NEB: variants seen among roughly 807,000 people sequenced by gnomAD.
NEB encodes the protein nebulin, also known as nemaline myopathy type 2.
NEB carries 512 observed loss-of-function variants against 952.2 expected under a neutral mutation model. The observed-to-expected ratio is 0.54, with a 90% CI of 0.50 to 0.58. NEB has a LOEUF of 0.58. Among genes scored for constraint, NEB ranks in the 20% least tolerant of loss-of-function variants. The pLI is 0.00. For missense variants in NEB, 8,428 were observed against 9,231.1 expected, an observed-to-expected ratio of 0.91 and a Z score of 3.56; for synonymous variants, 2,900 against 3,149.8, an observed-to-expected ratio of 0.92 and a Z score of 2.66.
intron 39 of NEB, 35 bp downstream of exon 39, chr2:151,668,992 G>A (rs200263587): frequency 2.8e-4 from 397 of 1,423,910 alleles, no homozygotes; most frequent in Non-Finnish European, 2.5e-4. Flanking sequence ...GGAGAGGCCC[G>A]CATACGCAAT....
intron 32 of NEB, 49 bp downstream of exon 32, chr2:151,679,664 CCAAGCCCA>C: frequency 3.1e-6 from 2 of 652,986 alleles, no homozygotes; most frequent in Non-Finnish European, 5.8e-6. Flanking sequence ...TCGTCAGACC[CCAAGCCCA>C]CCCACCCACA....
intron 46 of NEB, among the ~76,000 whole-genome samples, chr2:151,660,501 G>A (rs1274368498): frequency 1.3e-5 from 2 of 152,164 alleles, no homozygotes; most frequent in Non-Finnish European, 2.9e-5. Context: ...TACAGATATT[G>A]CATGTAACAC....
rs2288211 is a variant in NEB at position 151,565,573 on chromosome 2, A to G, written c.18294T>C (p.Tyr6098=). The G allele has an allele frequency of 0.29, 457,164 of 1,590,154 alleles. 69,655 individuals are homozygous for G. Among genetic ancestry groups the G allele is most frequent in the Admixed American group, 0.4 (23,514 of 58,878 alleles). The change falls in exon 116 of 182, where the codon TAT becomes TAC. Residue 6098 remains tyrosine, a synonymous_variant. Transcript: ENST00000397345. ...GATCCACCACACTTCTAAAGTTAGG[A>G]TAGTTTTCAAGGGCATTTTTCTTAT... ...IKYKKNALEN[Y]PNFRSVVDPP...
chr2:151,692,184 T>C lies in NEB; in HGVS notation c.1999-18A>G. The C allele has an allele frequency of 1.2e-6, 2 of 1,611,456 alleles. No individual in the cohort carries two copies. Among genetic ancestry groups the C allele is most frequent in the Non-Finnish European group, 1.7e-6 (2 of 1,177,654 alleles). ...TATCTAGCCTGAAAAATAAAACAAA[T>C]GTAATTCAAGTTAACAATCATTTGT... On this transcript the variant is annotated intron_variant, in intron 21 of 181. Transcript: ENST00000397345.
chr2:151,684,341 T>C (rs2099469057), intron 28 of NEB, among the ~76,000 whole-genome samples: 1 of 152,238 alleles, frequency 6.6e-6, no homozygotes, highest in Admixed American at 6.5e-5. Context: ...ATATTTATGT[T>C]AAATCATATA....
In NEB at chr2:151,562,881, C is replaced by T. The variant is rs181596662; in HGVS notation, c.18694-73G>A. 2.4e-3 allele frequency: 2,494 copies of T among 1,041,256 alleles called. 7 individuals are homozygous for T. The highest frequency in any genetic ancestry group is 3.7e-3 in the Admixed American group (180 of 48,952). The allele number at this position is 1,041,256 out of a possible 1,614,324, so 64.5% of individuals were successfully genotyped here. A position where few individuals can be genotyped will look rare whatever the true frequency, so the allele number is the denominator to read the frequency against. On this transcript the variant is annotated intron_variant, in intron 119 of 181. Coordinates refer to ENST00000397345, the MANE Select transcript of NEB (RefSeq NM_001164508.2). ...TATTCAGATCAATGTCTTTTAGATCCTTATTTCCCATATAGATCAGTATCT... is the reference window on the plus strand; with the variant it reads ...TATTCAGATCAATGTCTTTTAGATCTTTATTTCCCATATAGATCAGTATCT...
At chr2:151,643,702 C>T (rs1392103825) in intron 57 of NEB, 116 bp downstream of exon 57, 67 of 1,468,308 alleles carry the variant, frequency 4.6e-5, no homozygotes, top group South Asian at 7.0e-5. Context: ...TGACTAGATG[C>T]GCTTGGGCAT....
Position 151,679,968 on chromosome 2 carries a change from CT to C in NEB, c.3096del (p.Asp1033ThrfsTer24). 9 of 1,613,802 alleles carry C rather than the reference CT, an allele frequency of 5.6e-6. No homozygotes were observed. The highest frequency in any genetic ancestry group is 7.6e-6 in the Non-Finnish European group (9 of 1,179,736). On this transcript the variant is annotated frameshift_variant, in exon 31 of 182. Transcript: ENST00000397345. LOFTEE classifies it high-confidence loss of function. Reference sequence around the variant, plus strand: ...TTAGCCTGGATGAACTGGGGCAGGTCTGGTGGCAGGTTGTATTTGTGAATAA... The same window carrying C: ...TTAGCCTGGATGAACTGGGGCAGGTCGGTGGCAGGTTGTATTTGTGAATAA... ...EEIIHKYNLP[P>X]DLPQFIQAKV...
intron 173 of NEB, among the ~76,000 whole-genome samples, chr2:151,495,555 C>G (rs1358167867): frequency 6.6e-6 from 1 of 152,180 alleles, no homozygotes; most frequent in East Asian, 1.9e-4. Context: ...TGAAGTCCCC[C>G]TGCAAACCTC....
At chr2:151,692,002 T>G (rs571680679) in intron 22 of NEB, 34 bp from the exon 23 acceptor site, 1 of 1,608,644 alleles carries the variant, frequency 6.2e-7, no homozygotes, top group South Asian at 1.1e-5. Flanking sequence ...AGATCATGAT[T>G]GTTATGGCTC....
At chr2:151,527,080 G>T (rs2086628034) in intron 147 of NEB, 58 bp from the exon 148 acceptor site, 3 of 1,178,730 alleles carry the variant, frequency 2.5e-6, no homozygotes, top group African/African-American at 3.0e-5. Flanking sequence ...AGGAAGCTGG[G>T]CATTTGATTA....
At chr2:151,490,326 G>T (rs377171458) in intron 180 of NEB, 46 bp downstream of exon 180, 2 of 1,565,278 alleles carry the variant, frequency 1.3e-6, no homozygotes, top group Admixed American at 1.9e-5. Context: ...AACCATCAAT[G>T]AGCTGGCCGG....
In NEB at chr2:151,697,747, G is replaced by T. The variant is rs1409757664; in HGVS notation, c.1153-99C>A. Reference sequence around the variant, plus strand: ...AACACTAAACAAAAGATGAAGAAAAGATATCGCCTGTCAACTGTCTTAAAA... The same window carrying T: ...AACACTAAACAAAAGATGAAGAAAATATATCGCCTGTCAACTGTCTTAAAA... On this transcript the variant is annotated intron_variant, in intron 13 of 181. Transcript: ENST00000397345. The T allele has an allele frequency of 5.9e-5, 47 of 798,070 alleles. No homozygotes were observed. The South Asian group carries it at 8.6e-4, about 15-fold the overall frequency. 49.4% of individuals were successfully genotyped at this position (798,070 alleles called of 1,614,324 possible).
At chr2:151,675,842 T>C (rs1279663891) in intron 34 of NEB, among the ~76,000 whole-genome samples, 1 of 152,196 alleles carries the variant, frequency 6.6e-6, no homozygotes, top group East Asian at 1.9e-4. Context: ...AAGCATACAA[T>C]AATTTCCTCA....
chr2:151,644,450 C>T lies in NEB; in HGVS notation c.7644+18G>A. The T allele has an allele frequency of 6.3e-7, 1 of 1,586,130 alleles. No individual in the cohort carries two copies. The highest frequency in any genetic ancestry group is 8.7e-7 in the Non-Finnish European group (1 of 1,154,880). ...TAAATTGCAATCAAATCAATATCAACAGAGGATAAAATCTTACTTCACTGG... is the reference window on the plus strand; with the variant it reads ...TAAATTGCAATCAAATCAATATCAATAGAGGATAAAATCTTACTTCACTGG... On this transcript the variant is annotated intron_variant, in intron 56 of 181. Coordinates refer to ENST00000397345, the MANE Select transcript of NEB (RefSeq NM_001164508.2).
intron 161 of NEB, 128 bp from the exon 162 acceptor site, chr2:151,508,237 T>C: frequency 1.7e-6 from 1 of 577,030 alleles, no homozygotes; most frequent in Non-Finnish European, 3.0e-6. Flanking sequence ...TTCTTAACTG[T>C]CCAAGGATGT....
chr2:151,623,690 T>C (rs1041017659), intron 71 of NEB, among the ~76,000 whole-genome samples: 1 of 152,164 alleles, frequency 6.6e-6, no homozygotes, highest in Non-Finnish European at 1.5e-5. Context: ...AGAATCAATT[T>C]AATATCTTTG....
At position 151,634,081 on chromosome 2, in the gene NEB, C is replaced by G. The variant is rs987849670; in HGVS notation, c.9103-116G>C. ...ACTGACTTTTGTTAACAAGTACTAA[C>G]TCAAGCCAGTATCCTGGCTTTCATC... On this transcript the variant is annotated intron_variant, in intron 64 of 181. Transcript: ENST00000397345. 4 of 1,184,572 alleles carry G rather than the reference C, an allele frequency of 3.4e-6. No homozygotes were observed. The African/African-American group carries it at 6.2e-5, about 18-fold the overall frequency. 73.4% of individuals were successfully genotyped at this position (1,184,572 alleles called of 1,614,324 possible).
intron 160 of NEB, 52 bp from the exon 161 acceptor site, chr2:151,512,889 T>A: frequency 2.4e-6 from 3 of 1,244,468 alleles, no homozygotes; most frequent in Non-Finnish European, 3.5e-6. Flanking sequence ...TGCACAACAG[T>A]TGTTGGCTTG....
Sources: gnomAD v4.1 joint callset for allele counts (sites outside exome capture counted in the v4.1 genomes callset) on GRCh38, gnomAD v4.1.1 for gene constraint, MANE v1.5 for transcripts, NCBI Gene and HGNC (gene_info 2026-07-23, HGNC 2026-07-21) for gene names.